HSD11B1: variants seen among roughly 807,000 people sequenced by gnomAD.
HSD11B1 encodes 11-beta-hydroxysteroid dehydrogenase 1.
In HSD11B1, 15 loss-of-function variants were observed where a neutral mutation model predicts 22.1. The ratio of observed to expected loss-of-function variants is 0.68; its 90% confidence interval spans 0.45 to 1.04. The LOEUF (loss-of-function observed/expected upper bound fraction) is 1.04. Ranked by LOEUF, HSD11B1 falls within the 50% of genes least tolerant of loss-of-function variation. The pLI, the probability that HSD11B1 is intolerant of heterozygous loss-of-function variation, is 0.00. For synonymous variants in HSD11B1, 122 were observed against 125.2 expected (o/e 0.97, Z 0.17); for missense variants, 281 against 357.6 (o/e 0.79, Z 1.73).
upstream of HSD11B1, among the ~76,000 whole-genome samples, chr1:209,701,070 A>G (rs543348889): frequency 7.9e-5 from 12 of 152,052 alleles, no homozygotes; most frequent in African/African-American, 2.9e-4. Flanking sequence ...AACTGTTCCA[A>G]CCTCTGCCTG....
chr1:209,692,323 T>C, intron 1 of HSD11B1, among the ~76,000 whole-genome samples: 1 of 152,170 alleles, frequency 6.6e-6, no homozygotes, highest in Non-Finnish European at 1.5e-5. Flanking sequence ...AAACAGGTTT[T>C]AATCGGGACT....
chr1:209,702,207 T>G (rs1263984061), upstream of HSD11B1, among the ~76,000 whole-genome samples: 1 of 152,226 alleles, frequency 6.6e-6, no homozygotes, highest in Admixed American at 6.5e-5. Flanking sequence ...GAAAGAAGAT[T>G]TGGGGGATGG....
At chr1:209,729,654 A>G (rs1027884500) in intron 4 of HSD11B1, among the ~76,000 whole-genome samples, 3 of 152,122 alleles carry the variant, frequency 2.0e-5, no homozygotes, top group South Asian at 2.1e-4. Flanking sequence ...CAACATTGAA[A>G]CCAAAACTAA....
At chr1:209,698,341 C>T (rs1347399465) in intron 1 of HSD11B1, among the ~76,000 whole-genome samples, 4 of 152,192 alleles carry the variant, frequency 2.6e-5, no homozygotes, top group African/African-American at 9.7e-5. Context: ...TTTCTATTTG[C>T]TAAATCTGGC....
chr1:209,709,034 G>A lies in HSD11B1; in HGVS notation c.517+1906G>A, dbSNP rs79255304. ...TGAAGAATATTCTCTGCTTTATGAT[G>A]TATTCTTTTAATCAGTCAGTAAACA... On this transcript the variant is annotated intron_variant, in intron 4 of 5. Coordinates refer to ENST00000367027, the MANE Select transcript of HSD11B1 (RefSeq NM_005525.4). Among the ~76,000 whole-genome samples the A allele has an allele frequency of 1.9e-3, 297 of 152,314 alleles. 1 individual carries two copies. Among genetic ancestry groups the A allele is most frequent in the African/African-American group, 6.7e-3 (278 of 41,574 alleles).
chr1:209,689,592 T>C (rs1466793984), intron 1 of HSD11B1, among the ~76,000 whole-genome samples: 1 of 152,196 alleles, frequency 6.6e-6, no homozygotes, highest in African/African-American at 2.4e-5. Context: ...GCCATGCTCA[T>C]AGTAATGAGT....
In HSD11B1 at chr1:209,706,870, CCAAG is replaced by C; in HGVS notation, c.331+51_331+54del. ...CCTCTGAACTTTGCCCTTGGGGTCA[CCAAG>C]AGCTTTTGGGAGGAGAATGGGAAAG... On this transcript the variant is annotated intron_variant, in intron 3 of 5. Coordinates refer to ENST00000367027, the MANE Select transcript of HSD11B1 (RefSeq NM_005525.4). The surrounding 1 kb of genome is among the most constrained non-coding windows in gnomAD (Gnocchi z 4.0). 6.2e-7 allele frequency: 1 copy of C among 1,602,334 alleles called. No individual in the cohort carries two copies. Among genetic ancestry groups the C allele is most frequent in the South Asian group, 1.1e-5 (1 of 90,770 alleles).
chr1:209,723,372 A>G (rs2076980160), intron 4 of HSD11B1, among the ~76,000 whole-genome samples: 1 of 152,146 alleles, frequency 6.6e-6, no homozygotes, highest in Non-Finnish European at 1.5e-5. Context: ...ACACTGGCAC[A>G]TTTTTTAAAA....
At chr1:209,699,664 TC>T (rs909518179) in intron 1 of HSD11B1, among the ~76,000 whole-genome samples, 1 of 151,930 alleles carries the variant, frequency 6.6e-6, no homozygotes, top group African/African-American at 2.4e-5. Flanking sequence ...TTCCCAACAG[TC>T]CCCCAAAGTT....
intron 1 of HSD11B1, among the ~76,000 whole-genome samples, chr1:209,696,390 G>C (rs1183933560): frequency 6.6e-6 from 1 of 152,178 alleles, no homozygotes; most frequent in African/African-American, 2.4e-5. Context: ...AATCATGTCA[G>C]TTTCAGCATG....
chr1:209,718,944 C>T (rs1571880750), intron 4 of HSD11B1, among the ~76,000 whole-genome samples: 2 of 136,224 alleles, frequency 1.5e-5, no homozygotes, highest in East Asian at 4.7e-4. Flanking sequence ...CACTTGAACC[C>T]GGGAGGCGGA....
At chr1:209,702,138 T>C (rs532647077), upstream of HSD11B1, among the ~76,000 whole-genome samples, 1 of 152,364 alleles carries the variant, frequency 6.6e-6, no homozygotes, top group African/African-American at 2.4e-5. Flanking sequence ...AAATGCTAGC[T>C]GAAACAGTTG....
chr1:209,727,846 C>T (rs963553805), intron 4 of HSD11B1, among the ~76,000 whole-genome samples: 1 of 152,220 alleles, frequency 6.6e-6, no homozygotes, highest in Non-Finnish European at 1.5e-5. Context: ...TTACTTATCC[C>T]TCTCCATGGC....
rs2076938372 is a variant in HSD11B1, at chr1:209,717,678, A to T, written c.517+10550A>T. On this transcript the variant is annotated intron_variant, in intron 4 of 5. Transcript: ENST00000367027. ...AAAGACCAGCCTGGCCAACATGGTG[A>T]AACCCCACCTCTACTAAAAATACAA... Among the ~76,000 whole-genome samples the T allele has an allele frequency of 6.6e-5, 10 of 152,080 alleles. No homozygotes were observed. The South Asian group carries it at 2.1e-3, about 31-fold the overall frequency.
intron 4 of HSD11B1, among the ~76,000 whole-genome samples, chr1:209,721,889 A>T (rs1259624004): frequency 6.6e-6 from 1 of 152,218 alleles, no homozygotes; most frequent in Non-Finnish European, 1.5e-5. Context: ...TGTGAGTCAA[A>T]TTCCAGTCCC....
intron 4 of HSD11B1, among the ~76,000 whole-genome samples, chr1:209,708,410 G>A (rs993756373): frequency 2.6e-5 from 4 of 152,152 alleles, no homozygotes; most frequent in Admixed American, 6.5e-5. Flanking sequence ...GCCCAGGGAC[G>A]GCCTGCATAG....
At chr1:209,714,921 A>G (rs1427332533) in intron 4 of HSD11B1, among the ~76,000 whole-genome samples, 1 of 152,136 alleles carries the variant, frequency 6.6e-6, no homozygotes, top group Non-Finnish European at 1.5e-5. Flanking sequence ...TTCAGAGCCT[A>G]AGTGGGCCAA....
rs140946541 is a variant in HSD11B1 at position 209,692,234 on chromosome 1, C to A, written c.-49+5949C>A. On this transcript the variant is annotated intron_variant, in intron 1 of 6. Coordinates refer to the HSD11B1 transcript ENST00000261465. ...AATTACCCAAAGTAGAAGTTCGGAC[C>A]GGTATGTCTACAGGTTACTTTAGAA... Among the ~76,000 whole-genome samples the A allele has an allele frequency of 1.2e-4, 18 of 152,134 alleles. No individual in the cohort carries two copies. In the East Asian group the frequency reaches 3.5e-3, roughly 29 times the overall value.
intron 4 of HSD11B1, among the ~76,000 whole-genome samples, chr1:209,722,966 C>A (rs1359151809): frequency 2.0e-5 from 3 of 152,208 alleles, no homozygotes; most frequent in Non-Finnish European, 4.4e-5. Flanking sequence ...TTGACCTCTT[C>A]TACTCAGCTA....
Sources: gnomAD v4.1 joint callset for allele counts (sites outside exome capture counted in the v4.1 genomes callset) on GRCh38, gnomAD v4.1.1 for gene constraint, Gnocchi (gnomAD v3.1) non-coding constraint, MANE v1.5 for transcripts, NCBI Gene and HGNC (gene_info 2026-07-23, HGNC 2026-07-21) for gene names.